Variants in FTO observed in about 807,000 individuals in gnomAD.
FTO encodes FTO alpha-ketoglutarate dependent dioxygenase.
In FTO, 47 loss-of-function variants were observed where a neutral mutation model predicts 63.9. That is an observed-to-expected ratio of 0.74 (90% confidence interval 0.58 to 0.94). FTO has a LOEUF of 0.94. Among genes scored for constraint, FTO ranks in the 40% least tolerant of loss-of-function variants. The pLI, the probability that FTO is intolerant of heterozygous loss-of-function variation, is 0.00. For missense variants in FTO, 562 were observed against 618.1 expected (o/e 0.91, Z 0.96); for synonymous variants, 207 against 224.4 (o/e 0.92, Z 0.69).
chr16:54,004,586 C>T lies in FTO; in HGVS notation c.1364+70477C>T, dbSNP rs960145399. On this transcript the variant is annotated intron_variant, in intron 8 of 8. Coordinates refer to ENST00000471389, the MANE Select transcript of FTO (RefSeq NM_001080432.3). ...GCATAGCTGTCAAGTAATTATGAAGCGCCCATGCTAGGGACCGCATGCCAT... is the reference window on the plus strand; with the variant it reads ...GCATAGCTGTCAAGTAATTATGAAGTGCCCATGCTAGGGACCGCATGCCAT... Among the ~76,000 whole-genome samples, 8 of 152,092 alleles carry T rather than the reference C, an allele frequency of 5.3e-5. No individual in the cohort carries two copies. The East Asian group carries it at 5.8e-4, about 11-fold the overall frequency.
At chr16:53,810,349 A>T in intron 2 of FTO, 132 bp downstream of exon 2, 1 of 695,246 alleles carries the variant, frequency 1.4e-6, no homozygotes, top group South Asian at 1.6e-5. Flanking sequence ...ATGACTTCTC[A>T]TGGCCTACAG....
chr16:53,969,415 A>C (rs77486767), intron 8 of FTO, among the ~76,000 whole-genome samples: 5,496 of 152,268 alleles, frequency 0.036, 362 homozygotes, highest in African/African-American at 0.13. Context: ...AGCCTTCACT[A>C]GATCAGACAT....
chr16:53,871,193 A>C (rs1477563897), intron 4 of FTO, among the ~76,000 whole-genome samples: 1 of 152,114 alleles, frequency 6.6e-6, no homozygotes, highest in African/African-American at 2.4e-5. Flanking sequence ...CTGGGTTTAT[A>C]GTTTTCATGA....
intron 8 of FTO, among the ~76,000 whole-genome samples, chr16:54,087,409 A>T (rs1478782126): frequency 6.6e-6 from 1 of 152,082 alleles, no homozygotes; most frequent in Non-Finnish European, 1.5e-5. Flanking sequence ...AAGTTTGGGG[A>T]AGGTGAGATA....
At chr16:53,805,827 G>C (rs954769752) in intron 1 of FTO, among the ~76,000 whole-genome samples, 1 of 152,162 alleles carries the variant, frequency 6.6e-6, no homozygotes, top group Admixed American at 6.5e-5. Flanking sequence ...CTGTGTGCAG[G>C]GGTCTTCATC....
chr16:54,082,241 T>A (rs1380204666), intron 8 of FTO, among the ~76,000 whole-genome samples: 2 of 152,192 alleles, frequency 1.3e-5, no homozygotes, highest in Non-Finnish European at 2.9e-5. Context: ...CCAATAAACC[T>A]GTAGAAAGCA....
intron 4 of FTO, among the ~76,000 whole-genome samples, chr16:53,865,197 TG>T (rs1379335914): frequency 2.6e-5 from 4 of 152,310 alleles, no homozygotes; most frequent in African/African-American, 9.6e-5. Context: ...CAGTCTTTTA[TG>T]GGAATTTATC....
At chr16:53,811,899 GC>G (rs1479956954) in intron 2 of FTO, among the ~76,000 whole-genome samples, 4 of 151,984 alleles carry the variant, frequency 2.6e-5, no homozygotes, top group African/African-American at 4.8e-5. Flanking sequence ...TGCAACCTCT[GC>G]CCCCTGGGCC....
chr16:53,796,685 G>A (rs189082917), intron 1 of FTO, among the ~76,000 whole-genome samples: 1 of 152,276 alleles, frequency 6.6e-6, no homozygotes, highest in Non-Finnish European at 1.5e-5. Context: ...GAACGAAATT[G>A]AATGATAATG....
At chr16:54,052,211 A>T (rs544410701) in intron 8 of FTO, among the ~76,000 whole-genome samples, 3 of 152,316 alleles carry the variant, frequency 2.0e-5, no homozygotes, top group South Asian at 4.1e-4. Flanking sequence ...TCTACTGGAA[A>T]TGAGACTTGC....
At chr16:54,097,097 A>T (rs944826430) in intron 8 of FTO, among the ~76,000 whole-genome samples, 2 of 152,222 alleles carry the variant, frequency 1.3e-5, no homozygotes, top group African/African-American at 4.8e-5. Flanking sequence ...GACGTAAGCC[A>T]TACTGTTTAT....
In FTO at chr16:53,873,781, T is replaced by C; in HGVS notation, c.896-5T>C. ...TTTTATACATTTCTGGTGTTTTTCC[T>C]GTAGATGATCTCAATGCCACCCACC... On this transcript the variant is annotated splice_region_variant and splice_polypyrimidine_tract_variant and intron_variant, in intron 4 of 8. Transcript: ENST00000471389. 6.2e-7 allele frequency: 1 copy of C among 1,611,866 alleles called. No individual in the cohort carries two copies. Among genetic ancestry groups the C allele is most frequent in the Non-Finnish European group, 8.5e-7 (1 of 1,178,208 alleles).
intron 1 of FTO, among the ~76,000 whole-genome samples, chr16:53,780,875 G>A (rs2077571570): frequency 6.6e-6 from 1 of 152,106 alleles, no homozygotes; most frequent in African/African-American, 2.4e-5. Context: ...ATTGAATAAG[G>A]TAGTACTTAG....
intron 4 of FTO, among the ~76,000 whole-genome samples, chr16:53,863,589 C>T (rs2080232570): frequency 6.6e-6 from 1 of 152,176 alleles, no homozygotes; most frequent in Non-Finnish European, 1.5e-5. Context: ...ATGCCTGGTA[C>T]TCAGAGTCAT....
At chr16:53,783,604 T>TATCAAAAAAAAA (rs397716766) in intron 1 of FTO, among the ~76,000 whole-genome samples, 23 of 68,112 alleles carry the variant, frequency 3.4e-4, no homozygotes, top group South Asian at 6.4e-4. Flanking sequence ...CAAGACTCCA[T>TATCAAAAAAAAA]AAAAAAAAAA....
chr16:54,017,572 C>G (rs1399729750), intron 8 of FTO, among the ~76,000 whole-genome samples: 1 of 152,186 alleles, frequency 6.6e-6, no homozygotes, highest in African/African-American at 2.4e-5. Flanking sequence ...TTCGCATTTT[C>G]TTTCTTATTT....
chr16:53,762,803 A>G (rs986356502), intron 1 of FTO, among the ~76,000 whole-genome samples: 1 of 152,222 alleles, frequency 6.6e-6, no homozygotes, highest in African/African-American at 2.4e-5. Flanking sequence ...GAACCTTACT[A>G]AGAGTCAAGT....
At chr16:54,004,016 AT>A (rs1468978781) in intron 8 of FTO, among the ~76,000 whole-genome samples, 1 of 152,156 alleles carries the variant, frequency 6.6e-6, no homozygotes, top group Non-Finnish European at 1.5e-5. Context: ...ACTACCTTAT[AT>A]TTGTATGACA....
At chr16:53,916,228 A>G (rs1227367248) in intron 7 of FTO, among the ~76,000 whole-genome samples, 1 of 152,152 alleles carries the variant, frequency 6.6e-6, no homozygotes, top group East Asian at 1.9e-4. Flanking sequence ...TGCCCTACCT[A>G]AGTGGGAGGC....
Sources: gnomAD v4.1 joint callset for allele counts (sites outside exome capture counted in the v4.1 genomes callset) on GRCh38, gnomAD v4.1.1 for gene constraint, MANE v1.5 for transcripts, NCBI Gene and HGNC (gene_info 2026-07-23, HGNC 2026-07-21) for gene names.